SLC14A2: variants seen among roughly 807,000 people sequenced by gnomAD.
SLC14A2 encodes urea transporter 2.
A neutral mutation model predicts 104.6 loss-of-function variants in SLC14A2; 91 were observed. That is an observed-to-expected ratio of 0.87 (90% confidence interval 0.73 to 1.04). SLC14A2 has a LOEUF of 1.04. SLC14A2 is among the 50% of genes least tolerant of loss of function. The pLI is 0.00. For synonymous variants in SLC14A2, 476 were observed against 466.4 expected (o/e 1.02, Z -0.27); for missense variants, 1,189 against 1,156.0 (o/e 1.03, Z -0.41).
chr18:45,398,526 T>A (rs1455360014), intron 1 of SLC14A2, among the ~76,000 whole-genome samples: 1 of 140,724 alleles, frequency 7.1e-6, no homozygotes. Context: ...TCATAATAGC[T>A]TAAGGATAGA....
At chr18:45,374,072 T>A (rs2085749594) in intron 1 of SLC14A2, among the ~76,000 whole-genome samples, 1 of 152,328 alleles carries the variant, frequency 6.6e-6, no homozygotes, top group South Asian at 2.1e-4. Context: ...TTAGTCCTCT[T>A]AAGATCCTGT....
intron 1 of SLC14A2, among the ~76,000 whole-genome samples, chr18:45,311,676 A>G (rs934936951): frequency 1.3e-5 from 2 of 152,214 alleles, no homozygotes; most frequent in Non-Finnish European, 2.9e-5. Flanking sequence ...TCTGATGTGC[A>G]TGCATTCTTG....
At chr18:45,477,707 G>T (rs1350840003) in intron 1 of SLC14A2, among the ~76,000 whole-genome samples, 1 of 152,216 alleles carries the variant, frequency 6.6e-6, no homozygotes, top group Non-Finnish European at 1.5e-5. Context: ...TAGAGAAGCA[G>T]TCTGGCTACA....
At chr18:45,585,199 AC>A (rs1011715929) in intron 2 of SLC14A2, among the ~76,000 whole-genome samples, 48 of 151,730 alleles carry the variant, frequency 3.2e-4, no homozygotes, top group African/African-American at 1.2e-3. Context: ...TGTTCATTTG[AC>A]CCTCACATCT....
chr18:45,206,333 C>T, the SLC14A2 span, among the ~76,000 whole-genome samples: 1 of 152,030 alleles, frequency 6.6e-6, no homozygotes, highest in Non-Finnish European at 1.5e-5. Flanking sequence ...TCTCCTGGTT[C>T]CTTTTTCATT....
chr18:45,521,361 A>G (rs559313800), intron 2 of SLC14A2, among the ~76,000 whole-genome samples: 2 of 152,358 alleles, frequency 1.3e-5, no homozygotes, highest in East Asian at 3.9e-4. Context: ...TGCAGAATAC[A>G]TAACTCAGAA....
At chr18:45,360,431 C>T (rs964062114) in intron 1 of SLC14A2, among the ~76,000 whole-genome samples, 1 of 152,218 alleles carries the variant, frequency 6.6e-6, no homozygotes, top group East Asian at 1.9e-4. Context: ...CCTCTCCTAC[C>T]TCCTAAATCT....
intron 1 of SLC14A2, among the ~76,000 whole-genome samples, chr18:45,355,308 G>A (rs2085541761): frequency 6.6e-6 from 1 of 152,112 alleles, no homozygotes; most frequent in East Asian, 1.9e-4. Flanking sequence ...TGGCGCGGTG[G>A]CTCACACCTG....
At chr18:45,228,351 G>T (rs2084140230) in intron 1 of SLC14A2, among the ~76,000 whole-genome samples, 1 of 152,150 alleles carries the variant, frequency 6.6e-6, no homozygotes, top group African/African-American at 2.4e-5. Flanking sequence ...GTTACCACAG[G>T]CTTAGGGGTG....
chr18:45,563,502 A>G (rs979351845), intron 2 of SLC14A2, among the ~76,000 whole-genome samples: 2 of 152,276 alleles, frequency 1.3e-5, no homozygotes, highest in African/African-American at 4.8e-5. Flanking sequence ...CATTTTAAAA[A>G]GCTGACAAAT....
chr18:45,300,843 G>A (rs943939285), intron 1 of SLC14A2, among the ~76,000 whole-genome samples: 1 of 152,162 alleles, frequency 6.6e-6, no homozygotes, highest in Non-Finnish European at 1.5e-5. Flanking sequence ...TCAACCCAGT[G>A]ATGTCTGATG....
At chr18:45,320,687 A>C (rs895422708) in intron 1 of SLC14A2, among the ~76,000 whole-genome samples, 2 of 152,154 alleles carry the variant, frequency 1.3e-5, no homozygotes, top group Non-Finnish European at 2.9e-5. Context: ...CAAATCAAGT[A>C]CTTTCAGCCA....
intron 2 of SLC14A2, among the ~76,000 whole-genome samples, chr18:45,513,806 G>C (rs946216492): frequency 1.3e-5 from 2 of 152,148 alleles, no homozygotes; most frequent in African/African-American, 4.8e-5. Flanking sequence ...TTACTGTACC[G>C]ACTCAGACCC....
At chr18:45,668,120 G>T in intron 14 of SLC14A2, 98 bp downstream of exon 14, 1 of 1,258,712 alleles carries the variant, frequency 7.9e-7, no homozygotes, top group East Asian at 2.4e-5. Flanking sequence ...CTCAAAATAA[G>T]GACACTGACA....
chr18:45,405,902 A>G (rs2144471714), intron 1 of SLC14A2, among the ~76,000 whole-genome samples: 1 of 151,834 alleles, frequency 6.6e-6, no homozygotes. Flanking sequence ...ATCTCGAAAA[A>G]AAAAAAAAAA....
intron 1 of SLC14A2, among the ~76,000 whole-genome samples, chr18:45,221,977 T>C (rs982229083): frequency 3.3e-5 from 5 of 152,132 alleles, no homozygotes; most frequent in African/African-American, 9.7e-5. Context: ...AAAATGAGCA[T>C]ACATTTTTGG....
chr18:45,307,207 A>G (rs543711605), intron 1 of SLC14A2, among the ~76,000 whole-genome samples: 91 of 152,168 alleles, frequency 6.0e-4, no homozygotes, highest in African/African-American at 2.1e-3. Flanking sequence ...ACTTGAGATC[A>G]GGAGTTCAAA....
At chr18:45,202,854 T>C in the SLC14A2 span, among the ~76,000 whole-genome samples, 1 of 152,258 alleles carries the variant, frequency 6.6e-6, no homozygotes, top group East Asian at 1.9e-4. Flanking sequence ...GTCCTCCTTA[T>C]CTTCCATCAG....
At chr18:45,664,014 A>T in intron 11 of SLC14A2, 107 bp downstream of exon 11, 1 of 1,230,308 alleles carries the variant, frequency 8.1e-7, no homozygotes, top group Non-Finnish European at 1.1e-6. Flanking sequence ...GACCCGCTGG[A>T]GTCAGACTTG....
Sources: gnomAD v4.1 joint callset for allele counts (sites outside exome capture counted in the v4.1 genomes callset) on GRCh38, gnomAD v4.1.1 for gene constraint, MANE v1.5 for transcripts, NCBI Gene and HGNC (gene_info 2026-07-23, HGNC 2026-07-21) for gene names.